The following ANXA8 variants were observed in gnomAD, a reference collection of about 807,000 sequenced individuals.
ANXA8 encodes the protein VAC-beta.
A neutral mutation model predicts 26.8 loss-of-function variants in ANXA8; 9 were observed. That is an observed-to-expected ratio of 0.34 (90% CI 0.20 to 0.59). ANXA8 has a LOEUF of 0.59. ANXA8 is among the 20% of genes least tolerant of loss of function. The probability of loss-of-function intolerance (pLI) is 0.84; values close to 1 mark genes in which losing one functional copy is unlikely to be tolerated. For missense variants in ANXA8, 83 were observed against 238.5 expected (o/e 0.35, Z 4.29); for synonymous variants, 39 against 94.8 (o/e 0.41, Z 3.42).
the ANXA8 span, among the ~76,000 whole-genome samples, chr10:47,674,572 C>A: frequency 1.3e-5 from 2 of 151,554 alleles, no homozygotes; most frequent in African/African-American, 4.9e-5. Context: ...CCTCTGTTTA[C>A]ATACTGTACT....
the ANXA8 span, among the ~76,000 whole-genome samples, chr10:47,627,353 G>C: frequency 6.7e-6 from 1 of 150,142 alleles, no homozygotes; most frequent in Admixed American, 6.6e-5. Context: ...AGTGTCTGTA[G>C]ACTACATCTC....
chr10:47,900,929 CA>C, the ANXA8 span, among the ~76,000 whole-genome samples: 112,397 of 146,058 alleles, frequency 0.77, 40,902 homozygotes, highest in African/African-American at 0.87. Context: ...TTCCTGGTTA[CA>C]ATGGTACAAT....
At chr10:47,697,012 C>T in the ANXA8 span, among the ~76,000 whole-genome samples, 8 of 151,400 alleles carry the variant, frequency 5.3e-5, no homozygotes, top group Admixed American at 3.3e-4. Context: ...GAAAAGCTAT[C>T]TTTCTTCTTT....
the ANXA8 span, among the ~76,000 whole-genome samples, chr10:47,571,042 G>A: frequency 2.7e-5 from 4 of 149,010 alleles, no homozygotes; most frequent in Admixed American, 2.0e-4. Context: ...AGTACCTACC[G>A]ATTCTGAGAT....
chr10:47,558,529 A>ATGTGTATGTGTG, the ANXA8 span, among the ~76,000 whole-genome samples: 1 of 141,490 alleles, frequency 7.1e-6, no homozygotes, highest in African/African-American at 2.7e-5. Flanking sequence ...GGGTTTTAAG[A>ATGTGTATGTGTG]TGTGTGTGTG....
chr10:47,576,778 C>T, the ANXA8 span, among the ~76,000 whole-genome samples: 1 of 150,476 alleles, frequency 6.6e-6, no homozygotes, highest in Non-Finnish European at 1.5e-5. Context: ...CCTCAGCCTC[C>T]CAAAGTGCAG....
the ANXA8 span, among the ~76,000 whole-genome samples, chr10:47,735,370 T>C: frequency 6.8e-6 from 1 of 147,782 alleles, no homozygotes; most frequent in Non-Finnish European, 1.5e-5. Context: ...GCTAGGACTA[T>C]AGGCGTGAGC....
At chr10:47,497,669 G>A in the ANXA8 span, among the ~76,000 whole-genome samples, 2 of 146,484 alleles carry the variant, frequency 1.4e-5, no homozygotes, top group South Asian at 2.2e-4. Context: ...CGGGCATGGT[G>A]GCTCACACCT....
chr10:47,521,835 C>T, the ANXA8 span, among the ~76,000 whole-genome samples: 1 of 150,924 alleles, frequency 6.6e-6, no homozygotes, highest in Non-Finnish European at 1.5e-5. Flanking sequence ...GCCTGGAGTG[C>T]ATTGGCGTGA....
chr10:47,621,844 T>C, the ANXA8 span, among the ~76,000 whole-genome samples: 1 of 103,060 alleles, frequency 9.7e-6, no homozygotes, highest in Non-Finnish European at 2.1e-5. Context: ...GTGTTTAAAA[T>C]CTTCTTATTG....
intron 8 of ANXA8, 61 bp downstream of exon 8, chr10:47,474,244 G>A: frequency 3.8e-6 from 6 of 1,576,084 alleles, no homozygotes; most frequent in Non-Finnish European, 5.1e-6. Context: ...AAGCACGAGG[G>A]AGAGGCTCAT....
the ANXA8 span, chr10:47,490,530 A>C: frequency 6.5e-6 from 1 of 152,952 alleles, no homozygotes; most frequent in Non-Finnish European, 1.5e-5. Flanking sequence ...GTGGAGGTTG[A>C]AAGGAAACAG....
chr10:47,711,052 C>G, the ANXA8 span, among the ~76,000 whole-genome samples: 6 of 149,680 alleles, frequency 4.0e-5, no homozygotes, highest in Admixed American at 3.3e-4. Context: ...TTTTTTTCAG[C>G]CAGAGTACTC....
the ANXA8 span, among the ~76,000 whole-genome samples, chr10:47,948,663 GAAGGA>G: frequency 6.7e-6 from 1 of 150,200 alleles, no homozygotes; most frequent in South Asian, 2.1e-4. Flanking sequence ...TGGAAGCTGA[GAAGGA>G]AAGGAAAGAG....
intron 11 of ANXA8, among the ~76,000 whole-genome samples, chr10:47,469,375 G>A (rs1383031604): frequency 2.1e-4 from 32 of 152,022 alleles, no homozygotes; most frequent in Non-Finnish European, 4.3e-4. Context: ...CGGTGTGGCC[G>A]AGGCAAGCCC....
chr10:47,740,280 T>A, the ANXA8 span, among the ~76,000 whole-genome samples: 1 of 147,498 alleles, frequency 6.8e-6, no homozygotes. Context: ...TTGGATTCCT[T>A]GGCAAAAACT....
upstream of ANXA8, among the ~76,000 whole-genome samples, chr10:47,485,717 C>A (rs1447339126): frequency 6.6e-6 from 1 of 151,842 alleles, no homozygotes; most frequent in African/African-American, 2.4e-5. Flanking sequence ...ATATGTTTAA[C>A]CTCTATGATA....
chr10:47,594,181 G>A, the ANXA8 span, among the ~76,000 whole-genome samples: 10 of 148,916 alleles, frequency 6.7e-5, no homozygotes, highest in South Asian at 1.3e-3. Context: ...CCTTGTGATC[G>A]TGTGAGTCAA....
At chr10:47,530,130 C>A in the ANXA8 span, among the ~76,000 whole-genome samples, 1 of 137,940 alleles carries the variant, frequency 7.2e-6, no homozygotes, top group Non-Finnish European at 1.5e-5. Flanking sequence ...ACAATAGCTA[C>A]GACCTGGGGC....
Sources: allele counts gnomAD v4.1 joint callset (sites outside exome capture counted in the v4.1 genomes callset), GRCh38; gene constraint gnomAD v4.1.1; transcripts MANE v1.5; gene names NCBI Gene and HGNC (gene_info 2026-07-23, HGNC 2026-07-21).